SERPINB11: variants seen among roughly 807,000 people sequenced by gnomAD.
SERPINB11 encodes the protein serpin family B member 11, also known as serpin B11.
Under a neutral mutation model 36.7 loss-of-function variants are expected in SERPINB11, and 32 were observed. The observed-to-expected ratio is 0.87, with a 90% CI of 0.66 to 1.17. The LOEUF is 1.17. SERPINB11 is among the 50% of genes most tolerant of loss of function. The pLI, the probability that SERPINB11 is intolerant of heterozygous loss-of-function variation, is 0.00. For missense variants in SERPINB11, 528 were observed against 458.4 expected (o/e 1.15, Z -1.39); for synonymous variants, 174 against 168.1 (o/e 1.04, Z -0.27).
chr18:63,712,556 A>G lies in SERPINB11; in HGVS notation c.229-9A>G, dbSNP rs1199301308. On this transcript the variant is annotated splice_polypyrimidine_tract_variant and intron_variant, in intron 3 of 7. Coordinates refer to ENST00000544088, the MANE Select transcript of SERPINB11 (RefSeq NM_001370475.1). ...TTAATACATCATTCTTTGTTTACTG[A>G]TGCTTCAGTGCAGCCAAGCTGGAAG... The G allele has an allele frequency of 6.2e-7, 1 of 1,613,570 alleles. No individual in the cohort carries two copies. Among genetic ancestry groups the G allele is most frequent in the Non-Finnish European group, 8.5e-7 (1 of 1,179,624 alleles).
chr18:63,703,729 C>T (rs2144525625), intron 1 of SERPINB11, among the ~76,000 whole-genome samples: 1 of 152,262 alleles, frequency 6.6e-6, no homozygotes, highest in African/African-American at 2.4e-5. Flanking sequence ...GGTGTCTTAG[C>T]CACCCTTGGA....
chr18:63,710,462 A>G (rs749233708), intron 2 of SERPINB11, 101 bp downstream of exon 2: 45 of 914,384 alleles, frequency 4.9e-5, no homozygotes, highest in Non-Finnish European at 6.2e-5. Context: ...TAAAATTGCC[A>G]TCTTGAGAGA....
chr18:63,713,910 C>T (rs9949906), intron 4 of SERPINB11, among the ~76,000 whole-genome samples: 56,495 of 151,954 alleles, frequency 0.37, 11,359 homozygotes, highest in East Asian at 0.61. Context: ...CTTGTTATTT[C>T]AGGATTCTGG....
intron 5 of SERPINB11, among the ~76,000 whole-genome samples, chr18:63,716,807 T>C (rs996004135): frequency 1.1e-4 from 17 of 151,052 alleles, no homozygotes; most frequent in Admixed American, 2.6e-4. Context: ...TTTTTTTTTG[T>C]TTGAATCAGG....
At position 63,717,165 on chromosome 18, in the gene SERPINB11, G is replaced by A. The variant is rs150229647; in HGVS notation, c.475+1013G>A. Among the ~76,000 whole-genome samples, 761 of 151,922 alleles carry A rather than the reference G, an allele frequency of 5.0e-3. 3 individuals are homozygous for A. The highest frequency in any genetic ancestry group is 8.6e-3 in the Non-Finnish European group (586 of 67,890). The stretch of plus-strand genomic sequence containing the variant: ...CATAAGTTATGTGGGTTTTTTTTAG[G>A]TCAATAATTTGTGAGAGTCATCCAT... On this transcript the variant is annotated intron_variant, in intron 5 of 7. Coordinates refer to ENST00000544088, the MANE Select transcript of SERPINB11 (RefSeq NM_001370475.1).
At chr18:63,704,744 C>A (rs557603238) in intron 1 of SERPINB11, among the ~76,000 whole-genome samples, 2 of 152,298 alleles carry the variant, frequency 1.3e-5, no homozygotes, top group East Asian at 3.9e-4. Context: ...CATCATCACT[C>A]ACCCTGCAAG....
intron 3 of SERPINB11, among the ~76,000 whole-genome samples, chr18:63,712,225 A>T (rs1480726246): frequency 6.6e-6 from 1 of 152,216 alleles, no homozygotes; most frequent in African/African-American, 2.4e-5. Context: ...CGATTCTGTA[A>T]GTACAAAGGC....
At chr18:63,710,868 C>T (rs941834784) in intron 2 of SERPINB11, among the ~76,000 whole-genome samples, 12 of 152,228 alleles carry the variant, frequency 7.9e-5, no homozygotes, top group Middle Eastern at 3.4e-3. Context: ...TTTCCCATTA[C>T]GTATATTTTA....
chr18:63,708,220 G>C (rs1054922208), intron 1 of SERPINB11, among the ~76,000 whole-genome samples: 1 of 152,202 alleles, frequency 6.6e-6, no homozygotes, highest in African/African-American at 2.4e-5. Flanking sequence ...TCACAGTAAG[G>C]ACTTTGTCTT....
chr18:63,720,898 C>A lies in SERPINB11; in HGVS notation c.686C>A (p.Pro229Gln), dbSNP rs572331029. ...TTTAAACTGGCCTTTGTAAAGGAGC[C>A]GCAGATGCAAGTTCTTGAGCTGCCC... ...GTFKLAFVKEPQMQVLELPYV... is the reference protein window; with the variant it reads ...GTFKLAFVKEQQMQVLELPYV... Residue 229 changes from proline to glutamine, a missense_variant, in exon 7 of 8, where the codon CCG becomes CAG. Coordinates refer to ENST00000544088, the MANE Select transcript of SERPINB11 (RefSeq NM_001370475.1). 6.3e-7 allele frequency: 1 copy of A among 1,596,218 alleles called. No individual in the cohort carries two copies. The highest frequency in any genetic ancestry group is 1.1e-5 in the South Asian group (1 of 88,470).
intron 6 of SERPINB11, 74 bp downstream of exon 6, chr18:63,720,229 T>A (rs1480180306): frequency 7.7e-7 from 1 of 1,302,040 alleles, no homozygotes; most frequent in Non-Finnish European, 1.1e-6. Context: ...TTTAGAAAGA[T>A]GTAGTGATTT....
At chr18:63,722,284 G>T (rs1914834862) in intron 7 of SERPINB11, among the ~76,000 whole-genome samples, 1 of 152,206 alleles carries the variant, frequency 6.6e-6, no homozygotes, top group Non-Finnish European at 1.5e-5. Flanking sequence ...TAAATTCTCA[G>T]ATTAAAAAGA....
chr18:63,702,596 A>C (rs1427611059), upstream of SERPINB11, among the ~76,000 whole-genome samples: 1 of 152,156 alleles, frequency 6.6e-6, no homozygotes, highest in East Asian at 1.9e-4. Flanking sequence ...AAATAAATAG[A>C]AAAAGAACTG....
chr18:63,714,538 C>A (rs923855990), intron 4 of SERPINB11, among the ~76,000 whole-genome samples: 4 of 152,098 alleles, frequency 2.6e-5, no homozygotes, highest in Admixed American at 1.3e-4. Context: ...ATTCCCAGAG[C>A]AGCCATTTCA....
chr18:63,710,244 AG>A lies in SERPINB11; in HGVS notation c.52del (p.Glu18SerfsTer2). The A allele has an allele frequency of 1.9e-6, 3 of 1,613,408 alleles. No homozygotes were observed. The highest frequency in any genetic ancestry group is 2.5e-6 in the Non-Finnish European group (3 of 1,179,606). ...NVEFCLDVFK[E>X]LNSNNIGDNI... ...TTGAATTTTGCCTTGATGTGTTCAA[AG>A]AGCTGAACAGTAACAACATAGGAGA... On this transcript the variant is annotated frameshift_variant, in exon 2 of 8. Coordinates refer to ENST00000544088, the MANE Select transcript of SERPINB11 (RefSeq NM_001370475.1). LOFTEE classifies it high-confidence loss of function.
At chr18:63,706,266 T>C (rs1281747348) in intron 1 of SERPINB11, among the ~76,000 whole-genome samples, 2 of 152,230 alleles carry the variant, frequency 1.3e-5, no homozygotes, top group African/African-American at 4.8e-5. Flanking sequence ...AGTCCACAAG[T>C]GACATATATT....
At chr18:63,709,427 C>T (rs991375735) in intron 1 of SERPINB11, among the ~76,000 whole-genome samples, 1 of 152,006 alleles carries the variant, frequency 6.6e-6, no homozygotes, top group Non-Finnish European at 1.5e-5. Flanking sequence ...CTGGCTAACA[C>T]GGTGAAACCC....
chr18:63,705,673 T>C (rs1434836135), intron 1 of SERPINB11: 1 of 152,224 alleles, frequency 6.6e-6, no homozygotes, highest in Non-Finnish European at 1.5e-5. Context: ...GGCCTATCAG[T>C]GTATTCCAAA....
At chr18:63,708,744 A>C (rs569545063) in intron 1 of SERPINB11, among the ~76,000 whole-genome samples, 1 of 152,184 alleles carries the variant, frequency 6.6e-6, no homozygotes, top group Non-Finnish European at 1.5e-5. Flanking sequence ...TAAATGTGGG[A>C]GCTAATAGCA....
Sources: allele counts gnomAD v4.1 joint callset (sites outside exome capture counted in the v4.1 genomes callset), GRCh38; gene constraint gnomAD v4.1.1; transcripts MANE v1.5; gene names NCBI Gene and HGNC (gene_info 2026-07-23, HGNC 2026-07-21).